The following KCNQ1 variants were observed in gnomAD, a reference collection of about 807,000 sequenced individuals.
KCNQ1 encodes the protein potassium voltage-gated channel subfamily Q member 1, also known as potassium voltage-gated channel subfamily KQT member 1.
Under a neutral mutation model 72.4 loss-of-function variants are expected in KCNQ1, and 49 were observed. That is an observed-to-expected ratio of 0.68 (90% confidence interval 0.54 to 0.86). The LOEUF is 0.86. KCNQ1 is among the 40% of genes least tolerant of loss of function. The pLI is 0.00. For missense variants in KCNQ1, 790 were observed against 945.1 expected (o/e 0.84, Z 2.15); for synonymous variants, 450 against 412.6 (o/e 1.09, Z -1.10).
chr11:2,719,000 G>A (rs1393527006), intron 11 of KCNQ1, among the ~76,000 whole-genome samples: 6 of 152,234 alleles, frequency 3.9e-5, no homozygotes, highest in Admixed American at 3.9e-4. Flanking sequence ...CGTCTGCCAG[G>A]GACCATAGAC....
intron 2 of KCNQ1, among the ~76,000 whole-genome samples, chr11:2,533,247 G>A (rs1222168129): frequency 3.9e-5 from 6 of 152,234 alleles, no homozygotes; most frequent in Admixed American, 3.3e-4. Context: ...CGCGGCCTCG[G>A]AGGGATTAGG....
chr11:2,721,522 A>G (rs770245114), intron 11 of KCNQ1, among the ~76,000 whole-genome samples: 6 of 152,234 alleles, frequency 3.9e-5, no homozygotes, highest in Non-Finnish European at 8.8e-5. Context: ...GGAATCAGCA[A>G]ATTGTATCAA....
rs572458754 is a variant in KCNQ1 at position 2,743,858 on chromosome 11, G to A, written c.1515-24986G>A. Reference sequence around the variant, plus strand: ...ATCTCACAGGCAGCGGGTTCTTCTGGTAGGGTGGGATATTTCAGCGGGAGG... The same window carrying A: ...ATCTCACAGGCAGCGGGTTCTTCTGATAGGGTGGGATATTTCAGCGGGAGG... On this transcript the variant is annotated intron_variant, in intron 11 of 15. Coordinates refer to ENST00000155840, the MANE Select transcript of KCNQ1 (RefSeq NM_000218.3). 6.6e-5 allele frequency among the ~76,000 whole-genome samples: 10 copies of A among 152,350 alleles called. No individual in the cohort carries two copies. In the South Asian group the frequency reaches 1.4e-3, roughly 22 times the overall value.
chr11:2,575,843 G>A (rs1311152773), intron 6 of KCNQ1, among the ~76,000 whole-genome samples: 8 of 152,174 alleles, frequency 5.3e-5, no homozygotes, highest in Admixed American at 3.3e-4. Flanking sequence ...CAAAGTCCGC[G>A]AACTGCTGGG....
Position 2,471,008 on chromosome 11 carries a change from C to T in KCNQ1, c.386+25524C>T, listed in dbSNP as rs531247516. Among the ~76,000 whole-genome samples the T allele has an allele frequency of 6.6e-6, 1 of 152,162 alleles. No homozygotes were observed. Among genetic ancestry groups the T allele is most frequent in the African/African-American group, 2.4e-5 (1 of 41,484 alleles). On this transcript the variant is annotated intron_variant, in intron 1 of 15. Coordinates refer to ENST00000155840, the MANE Select transcript of KCNQ1 (RefSeq NM_000218.3). The surrounding 1 kb of genome is among the most constrained non-coding windows in gnomAD (Gnocchi z 4.8). The stretch of plus-strand genomic sequence containing the variant: ...TATTCCTTTTGAGTTAATGTCTGAC[C>T]AGCTGGGAGGTGTCGGTGGAGGCTC...
intron 10 of KCNQ1, chr11:2,614,417 C>T (rs1849027810): frequency 2.5e-6 from 1 of 398,454 alleles, no homozygotes; most frequent in Non-Finnish European, 4.4e-6. Flanking sequence ...AGTACATTTA[C>T]AATATTGTGT....
In KCNQ1 at chr11:2,815,924, C is replaced by A. The variant is rs75239364; in HGVS notation, c.1795-31843C>A. On this transcript the variant is annotated intron_variant, in intron 15 of 15. Transcript: ENST00000155840. This position sits in a 1 kb window ranked among gnomAD's most constrained non-coding sequence, Gnocchi z 5.4. ...AATTAAGCACCGCTGAGTCGCCGCA[C>A]ACCTGTCAGGGTGGAGGGGACTTGG... is the stretch of plus-strand genomic sequence containing the variant. Among the ~76,000 whole-genome samples the A allele has an allele frequency of 0.012, 1,756 of 152,316 alleles. 16 individuals are homozygous for A. Among genetic ancestry groups the A allele is most frequent in the Non-Finnish European group, 0.02 (1,333 of 68,026 alleles).
intron 10 of KCNQ1, chr11:2,643,374 C>T: frequency 2.5e-6 from 1 of 398,322 alleles, no homozygotes; most frequent in Non-Finnish European, 4.4e-6. Context: ...ATTGTTATAT[C>T]CTCTTGGTCA....
At chr11:2,843,166 C>T (rs752675035) in intron 15 of KCNQ1, among the ~76,000 whole-genome samples, 2 of 152,230 alleles carry the variant, frequency 1.3e-5, no homozygotes, top group African/African-American at 2.4e-5. Flanking sequence ...GCGAGAAACA[C>T]GGTCGACTTT....
intron 10 of KCNQ1, chr11:2,638,944 C>T (rs569500979): frequency 6.6e-6 from 1 of 152,328 alleles, no homozygotes; most frequent in African/African-American, 2.4e-5. Flanking sequence ...AACTTCTCTT[C>T]TCACTTCATT....
chr11:2,620,213 T>TATA lies in KCNQ1; in HGVS notation c.1393+31359_1393+31360insATA, dbSNP rs1305943444. The TATA allele has an allele frequency of 0.017, 4,281 of 247,060 alleles. 102 individuals carry two copies. The highest frequency in any genetic ancestry group is 0.069 in the East Asian group (979 of 14,156). 15.3% of individuals were successfully genotyped at this position (247,060 alleles called of 1,614,324 possible). ...AGTTCATTCATGTATATATATATATTTTTTTTTTTTATTTTTTTTTTAGAC... is the reference window on the plus strand; with the variant it reads ...AGTTCATTCATGTATATATATATATTATATTTTTTTTTTATTTTTTTTTTAGAC... On this transcript the variant is annotated intron_variant, in intron 10 of 15. Coordinates refer to ENST00000155840, the MANE Select transcript of KCNQ1 (RefSeq NM_000218.3). The surrounding 1 kb of genome is among the most constrained non-coding windows in gnomAD (Gnocchi z 4.5).
chr11:2,514,468 C>G (rs1847256879), intron 1 of KCNQ1, among the ~76,000 whole-genome samples: 1 of 152,220 alleles, frequency 6.6e-6, no homozygotes, highest in African/African-American at 2.4e-5. Flanking sequence ...CAGGGACACC[C>G]AGTGTTCTCT....
chr11:2,713,828 C>T lies in KCNQ1; in HGVS notation c.1514+51747C>T, dbSNP rs1008485082. ...TTCAGAGGATATACCGTATTCTGGC[C>T]GTCTTACATTACTGCAATATTGCTT... On this transcript the variant is annotated intron_variant, in intron 11 of 15. Coordinates refer to ENST00000155840, the MANE Select transcript of KCNQ1 (RefSeq NM_000218.3). The surrounding 1 kb of genome is among the most constrained non-coding windows in gnomAD (Gnocchi z 5.6). Among the ~76,000 whole-genome samples the T allele has an allele frequency of 1.7e-4, 26 of 152,368 alleles. No individual in the cohort carries two copies. The highest frequency in any genetic ancestry group is 1.2e-3 in the Admixed American group (18 of 15,310).
intron 1 of KCNQ1, among the ~76,000 whole-genome samples, chr11:2,469,998 T>C (rs1350469660): frequency 1.3e-5 from 2 of 152,188 alleles, no homozygotes; most frequent in Non-Finnish European, 2.9e-5. Flanking sequence ...GGTCTCACTC[T>C]GTCGCCCAGG....
At position 2,679,864 on chromosome 11, in the gene KCNQ1, A is replaced by G. The variant is rs189158916; in HGVS notation, c.1514+17783A>G. The G allele has an allele frequency of 3.3e-5, 13 of 398,472 alleles. No individual in the cohort carries two copies. The Middle Eastern group carries it at 1.9e-3, about 58-fold the overall frequency. 24.7% of individuals were successfully genotyped at this position (398,472 alleles called of 1,614,324 possible). ...TATAGGACATGCATTTTTTTCATATAAACTTAGAACTAGCACGCCTAATTT... is the reference window on the plus strand; with the variant it reads ...TATAGGACATGCATTTTTTTCATATGAACTTAGAACTAGCACGCCTAATTT... On this transcript the variant is annotated intron_variant, in intron 11 of 15. Coordinates refer to ENST00000155840, the MANE Select transcript of KCNQ1 (RefSeq NM_000218.3). The surrounding 1 kb of genome is among the most constrained non-coding windows in gnomAD (Gnocchi z 4.8).
At position 2,679,237 on chromosome 11, in the gene KCNQ1, G is replaced by A. The variant is rs765943237; in HGVS notation, c.1514+17156G>A. 1 of 398,636 alleles carries A rather than the reference G, an allele frequency of 2.5e-6. No individual in the cohort carries two copies. The highest frequency in any genetic ancestry group is 4.4e-6 in the Non-Finnish European group (1 of 226,082). The allele number at this position is 398,636 out of a possible 1,614,324, so 24.7% of individuals were successfully genotyped here. On this transcript the variant is annotated intron_variant, in intron 11 of 15. Transcript: ENST00000155840. This position sits in a 1 kb window ranked among gnomAD's most constrained non-coding sequence, Gnocchi z 4.8. Reference sequence around the variant, plus strand: ...TGTGAAGCTGGTCCAGAGGACTACAGCTGCCTGTCCCACCCTTGGCTGTGC... The same window carrying A: ...TGTGAAGCTGGTCCAGAGGACTACAACTGCCTGTCCCACCCTTGGCTGTGC...
intron 1 of KCNQ1, among the ~76,000 whole-genome samples, chr11:2,456,787 AAAT>A (rs1324542565): frequency 2.5e-5 from 3 of 119,730 alleles, no homozygotes; most frequent in African/African-American, 3.6e-5. Flanking sequence ...AAAAAAAAAA[AAAT>A]TAGCCGGGCG....
Position 2,632,480 on chromosome 11 carries a change from A to G in KCNQ1, c.1394-29481A>G, listed in dbSNP as rs1449277176. 9.0e-5 allele frequency: 36 copies of G among 398,280 alleles called. No homozygotes were observed. In the East Asian group the frequency reaches 1.3e-3, roughly 14 times the overall value. The allele number at this position is 398,280 out of a possible 1,614,324, so 24.7% of individuals were successfully genotyped here. A position where few individuals can be genotyped will look rare whatever the true frequency, so the allele number is the denominator to read the frequency against. ...AGCTCTTAGTCTTTTCACCATTATG[A>G]TGCTCCTTGTGGGTTTTTCTTCTAG... On this transcript the variant is annotated intron_variant, in intron 10 of 15. Transcript: ENST00000155840.
chr11:2,826,447 G>A lies in KCNQ1; in HGVS notation c.1795-21320G>A, dbSNP rs532024697. On this transcript the variant is annotated intron_variant, in intron 15 of 15. Coordinates refer to ENST00000155840, the MANE Select transcript of KCNQ1 (RefSeq NM_000218.3). The surrounding 1 kb of genome is among the most constrained non-coding windows in gnomAD (Gnocchi z 4.2). Reference sequence around the variant, plus strand: ...CAGCGCTGATGGAAACCGCCGTGCGGTTCCGCGCAGACAGTCACGGAAACT... The same window carrying A: ...CAGCGCTGATGGAAACCGCCGTGCGATTCCGCGCAGACAGTCACGGAAACT... Among the ~76,000 whole-genome samples, 3 of 152,242 alleles carry A rather than the reference G, an allele frequency of 2.0e-5. No individual in the cohort carries two copies. The highest frequency in any genetic ancestry group is 4.4e-5 in the Non-Finnish European group (3 of 68,040).
Sources: gnomAD v4.1 joint callset for allele counts (sites outside exome capture counted in the v4.1 genomes callset) on GRCh38, gnomAD v4.1.1 for gene constraint, Gnocchi (gnomAD v3.1) non-coding constraint, MANE v1.5 for transcripts, NCBI Gene and HGNC (gene_info 2026-07-23, HGNC 2026-07-21) for gene names.